KRT16: variants seen among roughly 807,000 people sequenced by gnomAD.
KRT16 encodes keratin 16, also known as keratin, type I cytoskeletal 16.
A neutral mutation model predicts 44.8 loss-of-function variants in KRT16; 42 were observed. That is an observed-to-expected ratio of 0.94 (90% confidence interval 0.73 to 1.21). The LOEUF (loss-of-function observed/expected upper bound fraction) is 1.21, where lower values mean the gene tolerates loss of function less well. Ranked by LOEUF, KRT16 falls within the 50% of genes most tolerant of loss-of-function variation. The pLI, the probability that KRT16 is intolerant of heterozygous loss-of-function variation, is 0.00. For missense variants in KRT16, 561 were observed against 626.9 expected (o/e 0.89, Z 1.12); for synonymous variants, 226 against 260.4 (o/e 0.87, Z 1.27).
chr17:41,610,753 C>T lies in KRT16; in HGVS notation c.1059+101G>A, dbSNP rs561152918. 7.0e-6 allele frequency: 11 copies of T among 1,579,334 alleles called. No individual in the cohort carries two copies. The African/African-American group carries it at 1.3e-4, about 19-fold the overall frequency. ...AACGGTCCCATGAGTCCCCTGGTCC[C>T]ATCCTGAGAAAAGAAAGGTGGAACT... On this transcript the variant is annotated intron_variant, in intron 5 of 7. Transcript: ENST00000301653.
rs1383246740 is a variant in KRT16 at position 41,611,200 on chromosome 17, C to T, written c.802G>A (p.Gly268Arg). The change falls in exon 4 of 8, where the codon GGA (glycine) becomes AGA (arginine). Residue 268 changes from glycine (G) to arginine (R), a missense_variant. By Grantham distance (125) the Gly-to-Arg change is moderately radical. Transcript: ENST00000301653. ...EMLALRGQTG[G>R]DVNVEMDAAP... ...GCATCCATCTCCACGTTCACATCTC[C>T]GCCGGTCTGACCTCTCAGAGCAAGC... 8.1e-6 allele frequency: 13 copies of T among 1,613,884 alleles called. No individual in the cohort carries two copies. The highest frequency in any genetic ancestry group is 2.2e-5 in the East Asian group (1 of 44,898).
rs1366751337 is a variant in KRT16 at position 41,611,246 on chromosome 17, A to T, written c.772-16T>A. 1 of 1,613,982 alleles carries T rather than the reference A, an allele frequency of 6.2e-7. No individual in the cohort carries two copies. Among genetic ancestry groups the T allele is most frequent in the Admixed American group, 1.7e-5 (1 of 60,018 alleles). ...CAAGCATCTCCTGGGAAGGGATGGC[A>T]GGAGGCGGTCAGTTCAGCAGACTTC... On this transcript the variant is annotated splice_polypyrimidine_tract_variant and intron_variant, in intron 3 of 7. Transcript: ENST00000301653.
chr17:41,611,820 G>T, intron 1 of KRT16, 99 bp from the exon 2 acceptor site: 1 of 1,162,074 alleles, frequency 8.6e-7, no homozygotes, highest in Non-Finnish European at 1.3e-6. Flanking sequence ...CCCAAATCTG[G>T]AAGTCTTCTG....
chr17:41,610,226 G>A lies in KRT16; in HGVS notation c.1291C>T (p.Gln431Ter), dbSNP rs1395543363. The change falls in exon 7 of 8, where the codon CAG becomes TAG. Residue 431 changes from glutamine (Q) to a stop codon, truncating the protein, a stop_gained. Coordinates refer to ENST00000301653, the MANE Select transcript of KRT16 (RefSeq NM_005557.4). LOFTEE classifies it high-confidence loss of function. ...GAATAGGATTGGCCAGATGCTTGCT[G>A]GGAGGAAAGGCTGTGGGAGAGAAAA... is the stretch of plus-strand genomic sequence containing the variant. ...LEGEDAHLSS[Q>*]QASGQSYSSR... The A allele has an allele frequency of 6.2e-7, 1 of 1,613,874 alleles. No homozygotes were observed. The highest frequency in any genetic ancestry group is 1.3e-5 in the African/African-American group (1 of 74,938).
rs113973409 is a variant in KRT16 at position 41,611,556 on chromosome 17, G to A, written c.615-55C>T. ...TGCAGCCCTGAGGATTCTGAGGCTC[G>A]GGGTCTGCTGGCCCTGCTGGGTGGA... On this transcript the variant is annotated intron_variant, in intron 2 of 7. Transcript: ENST00000301653. 393 of 1,609,334 alleles carry A rather than the reference G, an allele frequency of 2.4e-4. No homozygotes were observed. The African/African-American group carries it at 4.3e-3, about 18-fold the overall frequency.
Position 41,612,629 on chromosome 17 carries a change from G to T in KRT16, c.60C>A (p.Ile20=). The part of the protein sequence containing the change: ...SSSSMKGSCG[I]GGGIGGGSSR... ...TGGAGCCGCCCCCGATGCCGCCTCC[G>T]ATGCCGCAGGAGCCCTTCATGGAGC... The change falls in exon 1 of 8, where the codon ATC becomes ATA. Residue 20 remains isoleucine, a synonymous_variant. Coordinates refer to ENST00000301653, the MANE Select transcript of KRT16 (RefSeq NM_005557.4). 3.1e-6 allele frequency: 5 copies of T among 1,598,588 alleles called. No individual in the cohort carries two copies. Among genetic ancestry groups the T allele is most frequent in the Non-Finnish European group, 4.3e-6 (5 of 1,173,528 alleles).
At chr17:41,611,935 A>G (rs1362168197) in intron 1 of KRT16, 9 of 784,984 alleles carry the variant, frequency 1.1e-5, no homozygotes, top group Non-Finnish European at 1.9e-5. Context: ...CTGAACTTGC[A>G]GCTGAACCCT....
intron 3 of KRT16, 23 bp from the exon 4 acceptor site, chr17:41,611,253 G>T (rs200894937): frequency 6.2e-7 from 1 of 1,613,910 alleles, no homozygotes; most frequent in Middle Eastern, 1.7e-4. Flanking sequence ...GGCAGGAGGC[G>T]GTCAGTTCAG....
chr17:41,610,296 G>A lies in KRT16; in HGVS notation c.1280+35C>T, dbSNP rs1329713129. On this transcript the variant is annotated intron_variant, in intron 6 of 7. Coordinates refer to ENST00000301653, the MANE Select transcript of KRT16 (RefSeq NM_005557.4). ...CTGAGAGCAGCAGGGGGGCTAAAGGGTCTGGGAGGCAGAACTGAGGGGCCT... is the reference window on the plus strand; with the variant it reads ...CTGAGAGCAGCAGGGGGGCTAAAGGATCTGGGAGGCAGAACTGAGGGGCCT... 1.9e-6 allele frequency: 3 copies of A among 1,613,478 alleles called. No individual in the cohort carries two copies. In the African/African-American group the frequency reaches 4.0e-5, roughly 22 times the overall value.
Position 41,611,387 on chromosome 17 carries a change from G to A in KRT16, c.729C>T (p.Gly243=), listed in dbSNP as rs1353076665. Residue 243 remains glycine, a synonymous_variant, in exon 3 of 8, where the codon GGC becomes GGT. Coordinates refer to ENST00000301653, the MANE Select transcript of KRT16 (RefSeq NM_005557.4). ...ARTDLEMQIE[G]LKEELAYLRK... The stretch of plus-strand genomic sequence containing the variant: ...TCAGGTAGGCCAGCTCCTCCTTCAG[G>A]CCTTCGATCTGCATCTCCAGGTCAG... The A allele has an allele frequency of 1.2e-6, 2 of 1,614,158 alleles. No homozygotes were observed. The highest frequency in any genetic ancestry group is 4.5e-5 in the East Asian group (2 of 44,878).
In KRT16 at chr17:41,610,465, C is replaced by A; in HGVS notation, c.1146G>T (p.Val382=). 6.2e-7 allele frequency: 1 copy of A among 1,612,202 alleles called. No individual in the cohort carries two copies. The highest frequency in any genetic ancestry group is 8.5e-7 in the Non-Finnish European group (1 of 1,179,868). The change falls in exon 6 of 8, where the codon GTG becomes GTT. Residue 382 remains valine, a synonymous_variant. Coordinates refer to ENST00000301653, the MANE Select transcript of KRT16 (RefSeq NM_005557.4). ...LSQIQGLIGS[V]EEQLAQLRCE... ...AGCGTAGCTGGGCCAGCTGCTCCTC[C>A]ACACTGCCAATCAGTCCCTGGATCT... is the stretch of plus-strand genomic sequence containing the variant.
At position 41,612,516 on chromosome 17, in the gene KRT16, G is replaced by T. The variant is rs775300928; in HGVS notation, c.173C>A (p.Ser58Tyr). Residue 58 changes from serine (S) to tyrosine (Y), a missense_variant, in exon 1 of 8, where the codon TCT (serine) becomes TAT (tyrosine). Ser to Tyr is a moderately radical substitution (Grantham distance 144, BLOSUM62 -2). Coordinates refer to ENST00000301653, the MANE Select transcript of KRT16 (RefSeq NM_005557.4). ...GCCCCCCAGCCCGCAGGCTCCCCCA[G>T]AGGAGAAGCGAGAGGAGACAGACAG... ...GGLSVSSRFS[S>Y]GGACGLGGGY... 1.2e-6 allele frequency: 2 copies of T among 1,601,070 alleles called. No homozygotes were observed. The highest frequency in any genetic ancestry group is 8.5e-7 in the Non-Finnish European group (1 of 1,174,138).
chr17:41,611,805 A>G, intron 1 of KRT16, 84 bp from the exon 2 acceptor site: 1 of 1,296,778 alleles, frequency 7.7e-7, no homozygotes, highest in South Asian at 1.3e-5. Flanking sequence ...GGCAAAAGGA[A>G]CCGCCCCAAA....
At chr17:41,612,045 C>A in intron 1 of KRT16, 113 bp downstream of exon 1, 1 of 1,338,720 alleles carries the variant, frequency 7.5e-7, no homozygotes, top group Non-Finnish European at 1.1e-6. Flanking sequence ...CCTGGCCACT[C>A]CCCAAAGGTG....
At chr17:41,610,130 C>T (rs574276845) in intron 7 of KRT16, 60 bp downstream of exon 7, 4 of 1,602,912 alleles carry the variant, frequency 2.5e-6, no homozygotes, top group Admixed American at 3.3e-5. Flanking sequence ...AAGGGCCCAG[C>T]CCCCACTCCA....
At chr17:41,611,910 C>A in intron 1 of KRT16, 189 bp from the exon 2 acceptor site, 1 of 782,260 alleles carries the variant, frequency 1.3e-6, no homozygotes, top group Non-Finnish European at 2.2e-6. Flanking sequence ...CCTTCCTGGG[C>A]CCAAGGCAGG....
rs145075215 is a variant in KRT16, at chr17:41,611,351, G to A, written c.765C>T (p.His255=). 34 of 1,614,014 alleles carry A rather than the reference G, an allele frequency of 2.1e-5. No homozygotes were observed. The highest frequency in any genetic ancestry group is 9.3e-5 in the African/African-American group (7 of 74,916). The change falls in exon 3 of 8, where the codon CAC becomes CAT. Residue 255 remains histidine (H), a synonymous_variant. Transcript: ENST00000301653. ...KEELAYLRKN[H]EEEMLALRGQ... ...AAGCCAGCAGCGACCGTACCTCCTC[G>A]TGGTTCTTCCTCAGGTAGGCCAGCT...
rs1337503417 is a variant in KRT16 at position 41,612,325 on chromosome 17, G to T, written c.364C>A (p.Gln122Lys). The change falls in exon 1 of 8, where the codon CAG becomes AAG. Residue 122 changes from glutamine (Q) to lysine (K), a missense_variant. Transcript: ENST00000301653. ...GAGGCCAGGCGGTCATTGAGGTTCTGCATGGTCACCTTCTCACTGCCCACC... is the reference window on the plus strand; with the variant it reads ...GAGGCCAGGCGGTCATTGAGGTTCTTCATGGTCACCTTCTCACTGCCCACC... ...LLVGSEKVTM[Q>K]NLNDRLASYL... The T allele has an allele frequency of 6.2e-7, 1 of 1,614,144 alleles. No individual in the cohort carries two copies.
rs1321162267 is a variant in KRT16 at position 41,612,320 on chromosome 17, G to A, written c.369C>T (p.Asn123=). 6.2e-7 allele frequency: 1 copy of A among 1,613,984 alleles called. No individual in the cohort carries two copies. Among genetic ancestry groups the A allele is most frequent in the Non-Finnish European group, 8.5e-7 (1 of 1,180,032 alleles). The change falls in exon 1 of 8, where the codon AAC becomes AAT. Residue 123 remains asparagine, a synonymous_variant. Transcript: ENST00000301653. ...GGTAGGAGGCCAGGCGGTCATTGAG[G>A]TTCTGCATGGTCACCTTCTCACTGC... is the stretch of plus-strand genomic sequence containing the variant. ...LVGSEKVTMQ[N]LNDRLASYLD... is the part of the protein sequence containing the mutation.
Sources: gnomAD v4.1 joint callset for allele counts on GRCh38, gnomAD v4.1.1 for gene constraint, MANE v1.5 for transcripts, NCBI Gene and HGNC (gene_info 2026-07-23, HGNC 2026-07-21) for gene names.